Variants in WASF3 observed in about 807,000 individuals in gnomAD.
The protein encoded by WASF3 is WASP family member 3.
A neutral mutation model predicts 46.6 loss-of-function variants in WASF3; 11 were observed. The observed-to-expected ratio is 0.24, with a 90% confidence interval of 0.15 to 0.39. WASF3 has a LOEUF of 0.39. Ranked by LOEUF, WASF3 falls within the 10% of genes least tolerant of loss-of-function variation. The pLI is 1.00. For synonymous variants in WASF3, 242 were observed against 259.7 expected (o/e 0.93, Z 0.65); for missense variants, 576 against 669.8 (o/e 0.86, Z 1.55).
chr13:26,548,969 TTTTC>T, the WASF3 span, among the ~76,000 whole-genome samples: 29 of 149,052 alleles, frequency 1.9e-4, no homozygotes, highest in Middle Eastern at 6.8e-3. Flanking sequence ...TACATTTTAT[TTTTC>T]TTTCTTTCTT....
At chr13:26,685,497 T>G (rs1359634188) in intron 9 of WASF3, among the ~76,000 whole-genome samples, 191 bp from the exon 10 acceptor site, 2 of 152,266 alleles carry the variant, frequency 1.3e-5, no homozygotes, top group Non-Finnish European at 2.9e-5. Flanking sequence ...ACAAAAAAAC[T>G]TCTCACTTTG....
chr13:26,561,068 G>T (rs1262658340), intron 1 of WASF3, among the ~76,000 whole-genome samples: 4 of 152,156 alleles, frequency 2.6e-5, no homozygotes, highest in Non-Finnish European at 5.9e-5. Flanking sequence ...TCAGTCCAGT[G>T]GGGGTGGTTG....
At chr13:26,670,821 A>AT (rs1165810864) in intron 5 of WASF3, among the ~76,000 whole-genome samples, 1 of 152,178 alleles carries the variant, frequency 6.6e-6, no homozygotes, top group East Asian at 1.9e-4. Context: ...CTCTTCAGTG[A>AT]TTTTCAGACA....
chr13:26,617,803 A>G (rs1478295511), intron 2 of WASF3, among the ~76,000 whole-genome samples: 3 of 152,076 alleles, frequency 2.0e-5, no homozygotes, highest in African/African-American at 7.2e-5. Context: ...CAAGGGAGAG[A>G]CCAGGTGGAG....
intron 1 of WASF3, among the ~76,000 whole-genome samples, chr13:26,607,752 C>A (rs990699483): frequency 3.9e-5 from 6 of 152,056 alleles, no homozygotes; most frequent in Admixed American, 3.3e-4. Context: ...CCTCCTGCTT[C>A]AGCCTTCTGA....
chr13:26,671,751 G>T (rs1437621355), intron 5 of WASF3, 121 bp from the exon 6 acceptor site: 4 of 629,426 alleles, frequency 6.4e-6, no homozygotes, highest in Non-Finnish European at 1.1e-5. Flanking sequence ...ATGTGTAGGA[G>T]AGTTTAAGTG....
intron 1 of WASF3, among the ~76,000 whole-genome samples, chr13:26,571,975 T>C (rs1164852024): frequency 6.6e-6 from 1 of 152,258 alleles, no homozygotes; most frequent in African/African-American, 2.4e-5. Flanking sequence ...AATGGGACTT[T>C]CTGTTCCATT....
intron 1 of WASF3, among the ~76,000 whole-genome samples, chr13:26,592,136 A>G (rs935157976): frequency 6.0e-5 from 9 of 150,912 alleles, no homozygotes; most frequent in South Asian, 2.1e-4. Flanking sequence ...AATGAAGTTC[A>G]TGATATCACC....
At chr13:26,552,461 A>T in the WASF3 span, among the ~76,000 whole-genome samples, 1 of 152,218 alleles carries the variant, frequency 6.6e-6, no homozygotes, top group Non-Finnish European at 1.5e-5. Flanking sequence ...TGAGACGTAG[A>T]TATGGATATG....
intron 7 of WASF3, 152 bp from the exon 8 acceptor site, chr13:26,680,902 C>T (rs886310705): frequency 9.8e-6 from 9 of 922,530 alleles, no homozygotes; most frequent in Non-Finnish European, 1.5e-5. Context: ...CTTGGAATCT[C>T]TCACGGGGCT....
chr13:26,596,896 CT>C (rs1304607427), intron 1 of WASF3, among the ~76,000 whole-genome samples: 1 of 152,162 alleles, frequency 6.6e-6, no homozygotes, highest in Non-Finnish European at 1.5e-5. Context: ...TGAGTTCTTT[CT>C]TTCTGAAATT....
At chr13:26,560,993 G>GGAGAGGGTGTACAGA (rs376658283) in intron 1 of WASF3, among the ~76,000 whole-genome samples, 8 of 152,162 alleles carry the variant, frequency 5.3e-5, no homozygotes, top group African/African-American at 1.9e-4. Context: ...TCTGGGTTGA[G>GGAGAGGGTGTACAGA]GAGAGGGTGT....
chr13:26,607,490 T>C (rs1036550659), intron 1 of WASF3, among the ~76,000 whole-genome samples: 2 of 152,204 alleles, frequency 1.3e-5, no homozygotes, highest in African/African-American at 2.4e-5. Context: ...TCAGAATTAC[T>C]TTCCTTACAG....
At chr13:26,660,905 G>A (rs1297255545) in intron 3 of WASF3, among the ~76,000 whole-genome samples, 1 of 152,068 alleles carries the variant, frequency 6.6e-6, no homozygotes, top group Non-Finnish European at 1.5e-5. Flanking sequence ...GAAAGTTTCC[G>A]CTCATGAAGG....
chr13:26,685,728 G>C lies in WASF3; in HGVS notation c.1392G>C (p.Glu464Asp). The C allele has an allele frequency of 1.9e-6, 3 of 1,614,228 alleles. No individual in the cohort carries two copies. Among genetic ancestry groups the C allele is most frequent in the Non-Finnish European group, 2.5e-6 (3 of 1,180,044 alleles). ...AGGTGCAGGAGCAGCGGGAGCAGGA[G>C]GCCAAGCGGGAGCCAGTGGGGAATG... ...LKKVQEQREQEAKREPVGNDV... is the reference protein window; with the variant it reads ...LKKVQEQREQDAKREPVGNDV... Residue 464 changes from glutamate to aspartate, a missense_variant, in exon 10 of 10, where the codon GAG becomes GAC. Glu to Asp is a conservative substitution (Grantham distance 45). Coordinates refer to ENST00000335327, the MANE Select transcript of WASF3 (RefSeq NM_006646.6).
At chr13:26,663,519 A>C (rs1882690705) in intron 3 of WASF3, among the ~76,000 whole-genome samples, 1 of 152,248 alleles carries the variant, frequency 6.6e-6, no homozygotes. Flanking sequence ...ATTGAGCTTT[A>C]AGAGAAGCAA....
chr13:26,615,110 G>A (rs1247702624), intron 2 of WASF3, among the ~76,000 whole-genome samples: 3 of 152,012 alleles, frequency 2.0e-5, no homozygotes, highest in Non-Finnish European at 4.4e-5. Context: ...TTGGAGCTAT[G>A]TCTATCTGGT....
upstream of WASF3, among the ~76,000 whole-genome samples, chr13:26,555,251 GTTT>G (rs1351893348): frequency 6.6e-6 from 1 of 152,046 alleles, no homozygotes; most frequent in Non-Finnish European, 1.5e-5. Flanking sequence ...AAATTGGATT[GTTT>G]TTTAATTGAC....
intron 2 of WASF3, among the ~76,000 whole-genome samples, chr13:26,632,415 A>C (rs999039362): frequency 5.3e-5 from 8 of 152,314 alleles, no homozygotes; most frequent in Non-Finnish European, 1.0e-4. Context: ...CCTTTCCTGC[A>C]TCTATTGAGG....
Sources: gnomAD v4.1 joint callset for allele counts (sites outside exome capture counted in the v4.1 genomes callset) on GRCh38, gnomAD v4.1.1 for gene constraint, MANE v1.5 for transcripts, NCBI Gene and HGNC (gene_info 2026-07-23, HGNC 2026-07-21) for gene names.